The following GIMAP8 variants were observed in gnomAD, a reference collection of about 807,000 sequenced individuals.
The protein encoded by GIMAP8 is GTPase, IMAP family member 8, also known as GTPase IMAP family member 8.
In GIMAP8, 29 loss-of-function variants were observed where a neutral mutation model predicts 35.6. That is an observed-to-expected ratio of 0.81 (90% CI 0.61 to 1.11). The LOEUF (loss-of-function observed/expected upper bound fraction) is 1.11. Ranked by LOEUF, GIMAP8 falls within the 50% of genes most tolerant of loss-of-function variation. GIMAP8 has a pLI of 0.00. For missense variants in GIMAP8, 811 were observed against 805.0 expected (o/e 1.01, Z -0.09); for synonymous variants, 335 against 308.7 (o/e 1.09, Z -0.89).
At position 150,474,353 on chromosome 7, in the gene GIMAP8, G is replaced by A; in HGVS notation, c.1024G>A (p.Ala342Thr). 6.2e-7 allele frequency: 1 copy of A among 1,614,176 alleles called. No homozygotes were observed. Among genetic ancestry groups the A allele is most frequent in the Non-Finnish European group, 8.5e-7 (1 of 1,180,016 alleles). ...GGGCTTTTACACTAAGAATGATGAGGCAGTGCTGAGCACCATCCAAAACAA... is the reference window on the plus strand; with the variant it reads ...GGGCTTTTACACTAAGAATGATGAGACAGTGCTGAGCACCATCCAAAACAA... ...PLGFYTKNDE[A>T]VLSTIQNNFG... The change falls in exon 4 of 5, where the codon GCA becomes ACA. Residue 342 changes from alanine to threonine, a missense_variant. By Grantham distance (58) the Ala-to-Thr change is moderately conservative. Coordinates refer to ENST00000307271, the MANE Select transcript of GIMAP8 (RefSeq NM_175571.4).
At position 150,467,020 on chromosome 7, in the gene GIMAP8, A is replaced by T; in HGVS notation, c.322A>T (p.Arg108Trp). Residue 108 changes from arginine (R) to tryptophan (W), a missense_variant, in exon 2 of 5, where the codon AGG becomes TGG. By Grantham distance (101) the Arg-to-Trp change is moderately radical. Transcript: ENST00000307271. ...GGTAATTGCCATCGGCCATTTCACA[A>T]GGGAGGATGAGGAAACAGCCAAGGG... ...LLVIAIGHFT[R>W]EDEETAKGIQ... 1 of 1,614,222 alleles carries T rather than the reference A, an allele frequency of 6.2e-7. No individual in the cohort carries two copies. Among genetic ancestry groups the T allele is most frequent in the South Asian group, 1.1e-5 (1 of 91,084 alleles).
chr7:150,454,959 A>G (rs558823955), intron 1 of GIMAP8, among the ~76,000 whole-genome samples: 1 of 152,028 alleles, frequency 6.6e-6, no homozygotes, highest in Non-Finnish European at 1.5e-5. Flanking sequence ...ACCAACATGG[A>G]GAAACCCCAT....
rs1396267620 is a variant in GIMAP8 at position 150,452,597 on chromosome 7, G to A, written c.-29+1422G>A. ...TGTGTATGTATATATGTATATATAT[G>A]TATATATGTATGTATATATGTATAT... On this transcript the variant is annotated intron_variant, in intron 1 of 4. Transcript: ENST00000307271. Among the ~76,000 whole-genome samples the A allele has an allele frequency of 1.3e-4, 18 of 140,906 alleles. No homozygotes were observed. In the East Asian group the frequency reaches 3.5e-3, roughly 27 times the overall value. 92.4% of individuals were successfully genotyped at this position (140,906 alleles called of 152,430 possible).
At chr7:150,458,177 T>C (rs901548871) in intron 1 of GIMAP8, among the ~76,000 whole-genome samples, 3 of 152,094 alleles carry the variant, frequency 2.0e-5, no homozygotes, top group Non-Finnish European at 4.4e-5. Context: ...AGATACTTAT[T>C]TGAGGAATTG....
chr7:150,454,266 T>G (rs543511041), intron 1 of GIMAP8, among the ~76,000 whole-genome samples: 33 of 133,770 alleles, frequency 2.5e-4, no homozygotes, highest in African/African-American at 4.0e-4. Flanking sequence ...TCACTGGGGG[T>G]GGGGGGAGGT....
chr7:150,477,960 C>A lies in GIMAP8; in HGVS notation c.*180C>A. The stretch of plus-strand genomic sequence containing the variant: ...TAGATAAATAAATTGCAGGTGGGGG[C>A]GAATAGTAGGGTATTATAAAGGAGA... On this transcript the variant is annotated 3_prime_UTR_variant, in exon 5 of 5. Transcript: ENST00000307271. The A allele has an allele frequency of 6.9e-6, 4 of 581,808 alleles. No homozygotes were observed. The highest frequency in any genetic ancestry group is 3.0e-5 in the Admixed American group (1 of 32,878). The allele number at this position is 581,808 out of a possible 1,614,324, so 36.0% of individuals were successfully genotyped here. A position where few individuals can be genotyped will look rare whatever the true frequency, so the allele number is the denominator to read the frequency against.
intron 1 of GIMAP8, among the ~76,000 whole-genome samples, chr7:150,454,406 A>G (rs888033691): frequency 6.6e-6 from 1 of 152,192 alleles, no homozygotes; most frequent in South Asian, 2.1e-4. Flanking sequence ...GCAAAAGTCC[A>G]AAGAGGAGCT....
chr7:150,477,340 T>C lies in GIMAP8; in HGVS notation c.1558T>C (p.Cys520Arg), dbSNP rs1802256631. The C allele has an allele frequency of 6.2e-7, 1 of 1,614,090 alleles. No homozygotes were observed. The highest frequency in any genetic ancestry group is 1.3e-5 in the African/African-American group (1 of 74,934). Reference sequence around the variant, plus strand: ...AGAGGAGGTCAAGCGCTGTTTGTCCTGCTGTGAAAAAGGGGACACATTTTT... The same window carrying C: ...AGAGGAGGTCAAGCGCTGTTTGTCCCGCTGTGAAAAAGGGGACACATTTTT... ...LEEEVKRCLS[C>R]CEKGDTFFVL... Residue 520 changes from cysteine (C) to arginine (R), a missense_variant, in exon 5 of 5, where the codon TGC (cysteine) becomes CGC (arginine). Coordinates refer to ENST00000307271, the MANE Select transcript of GIMAP8 (RefSeq NM_175571.4).
chr7:150,460,643 A>G (rs762849756), intron 1 of GIMAP8, among the ~76,000 whole-genome samples: 8 of 152,196 alleles, frequency 5.3e-5, no homozygotes, highest in Non-Finnish European at 1.2e-4. Flanking sequence ...CTATCTGTAA[A>G]CCAGCTCTGA....
At chr7:150,470,252 G>A (rs566657932) in intron 2 of GIMAP8, among the ~76,000 whole-genome samples, 1 of 152,284 alleles carries the variant, frequency 6.6e-6, no homozygotes, top group South Asian at 2.1e-4. Context: ...AAAGCAGAGG[G>A]AAGATTTCCT....
intron 1 of GIMAP8, among the ~76,000 whole-genome samples, chr7:150,456,246 C>A (rs1269870393): frequency 6.6e-6 from 1 of 152,082 alleles, no homozygotes; most frequent in Non-Finnish European, 1.5e-5. Context: ...GGCTAAAACC[C>A]CACCAATTTA....
Position 150,474,020 on chromosome 7 carries a change from G to A in GIMAP8, c.691G>A (p.Glu231Lys). 6.2e-7 allele frequency: 1 copy of A among 1,612,190 alleles called. No individual in the cohort carries two copies. Among genetic ancestry groups the A allele is most frequent in the South Asian group, 1.1e-5 (1 of 90,896 alleles). ...GTCCATTTGTCCCACAGGCCCAAGGGAAAGGCAGCTGCAGTCCACAGGACC... is the reference window on the plus strand; with the variant it reads ...GTCCATTTGTCCCACAGGCCCAAGGAAAAGGCAGCTGCAGTCCACAGGACC... Reference protein sequence around the residue: ...QEGDKPQGPRERQLQSTGPEQ... With the variant: ...QEGDKPQGPRKRQLQSTGPEQ... Residue 231 changes from glutamate (E) to lysine (K), a missense_variant, in exon 4 of 5, where the codon GAA becomes AAA. Transcript: ENST00000307271.
At position 150,451,614 on chromosome 7, in the gene GIMAP8, G is replaced by A. The variant is rs546490712; in HGVS notation, c.-29+439G>A. 3.5e-4 allele frequency among the ~76,000 whole-genome samples: 53 copies of A among 152,288 alleles called. No individual in the cohort carries two copies. The highest frequency in any genetic ancestry group is 1.2e-3 in the African/African-American group (48 of 41,556). The stretch of plus-strand genomic sequence containing the variant: ...TGGCAGAAGGGAGGAAGAAGCAGGC[G>A]GAAGCAGCCGGTCAGATGCCCCATG... On this transcript the variant is annotated intron_variant, in intron 1 of 4. Coordinates refer to ENST00000307271, the MANE Select transcript of GIMAP8 (RefSeq NM_175571.4). This position sits in a 1 kb window ranked among gnomAD's most constrained non-coding sequence, Gnocchi z 4.1.
intron 2 of GIMAP8, among the ~76,000 whole-genome samples, chr7:150,469,662 G>A (rs1244053440): frequency 2.0e-5 from 3 of 151,728 alleles, no homozygotes; most frequent in Non-Finnish European, 4.4e-5. Flanking sequence ...AACTTTAACA[G>A]CCCAGAGACT....
intron 1 of GIMAP8, among the ~76,000 whole-genome samples, chr7:150,454,154 AG>A (rs1801678083): frequency 6.7e-6 from 1 of 149,032 alleles, no homozygotes; most frequent in South Asian, 2.1e-4. Flanking sequence ...ACACAATGTG[AG>A]GGGAAGGGGG....
chr7:150,477,871 G>C lies in GIMAP8; in HGVS notation c.*91G>C. On this transcript the variant is annotated 3_prime_UTR_variant, in exon 5 of 5. Coordinates refer to ENST00000307271, the MANE Select transcript of GIMAP8 (RefSeq NM_175571.4). ...TGGTACAACCTGTGGGAAGGGAAGCGGGTTCATGGCTTTGAGGGCCTGAGA... is the reference window on the plus strand; with the variant it reads ...TGGTACAACCTGTGGGAAGGGAAGCCGGTTCATGGCTTTGAGGGCCTGAGA... 9.7e-7 allele frequency: 1 copy of C among 1,026,000 alleles called. No homozygotes were observed. Among genetic ancestry groups the C allele is most frequent in the Non-Finnish European group, 1.4e-6 (1 of 701,000 alleles). 63.6% of individuals were successfully genotyped at this position (1,026,000 alleles called of 1,614,324 possible).
Position 150,478,281 on chromosome 7 carries a change from C to T in GIMAP8, c.*501C>T, listed in dbSNP as rs959948610. 1.3e-5 allele frequency: 2 copies of T among 159,794 alleles called. No individual in the cohort carries two copies. The highest frequency in any genetic ancestry group is 2.8e-5 in the Non-Finnish European group (2 of 72,200). The allele number at this position is 159,794 out of a possible 1,614,324, so 9.9% of individuals were successfully genotyped here. A position where few individuals can be genotyped will look rare whatever the true frequency, so the allele number is the denominator to read the frequency against. On this transcript the variant is annotated 3_prime_UTR_variant, in exon 5 of 5. Coordinates refer to ENST00000307271, the MANE Select transcript of GIMAP8 (RefSeq NM_175571.4). Reference sequence around the variant, plus strand: ...TCCAGGGCCGTTGGCTCCCTGAGCTCTCCTGTCTCCTTTGGGATGCGACTT... The same window carrying T: ...TCCAGGGCCGTTGGCTCCCTGAGCTTTCCTGTCTCCTTTGGGATGCGACTT...
intron 4 of GIMAP8, among the ~76,000 whole-genome samples, chr7:150,475,022 A>G (rs981797018): frequency 1.1e-4 from 16 of 152,080 alleles, no homozygotes; most frequent in African/African-American, 3.9e-4. Context: ...ATGATTTCCA[A>G]TTTCATCCAT....
intron 1 of GIMAP8, among the ~76,000 whole-genome samples, chr7:150,460,381 G>A (rs1033508480): frequency 9.2e-5 from 14 of 152,132 alleles, no homozygotes; most frequent in African/African-American, 3.4e-4. Context: ...AGACTTCCTT[G>A]TTACCAATTT....
Sources: allele counts gnomAD v4.1 joint callset (sites outside exome capture counted in the v4.1 genomes callset), GRCh38; gene constraint gnomAD v4.1.1; non-coding constraint Gnocchi (gnomAD v3.1); transcripts MANE v1.5; gene names NCBI Gene and HGNC (gene_info 2026-07-23, HGNC 2026-07-21).